The following CNTN1 variants were observed in gnomAD, a reference collection of about 807,000 sequenced individuals.
The protein encoded by CNTN1 is contactin-1.
A neutral mutation model predicts 126.4 loss-of-function variants in CNTN1; 38 were observed. That is an observed-to-expected ratio of 0.30 (90% CI 0.23 to 0.39). The LOEUF is 0.39. Ranked by LOEUF, CNTN1 falls within the 10% of genes least tolerant of loss-of-function variation. The pLI is 1.00. For missense variants in CNTN1, 1,009 were observed against 1,248.4 expected (o/e 0.81, Z 2.89); for synonymous variants, 413 against 422.6 (o/e 0.98, Z 0.28).
Position 40,900,925 on chromosome 12 carries a change from C to T in CNTN1, c.-76-7432C>T, listed in dbSNP as rs183617512. On this transcript the variant is annotated intron_variant, in intron 1 of 23. Coordinates refer to ENST00000551295, the MANE Select transcript of CNTN1 (RefSeq NM_001843.4). ...AGGGGATGTGAAACTGACAACCGCTCTGTTGTCGATGATTTACATGAAGAA... is the reference window on the plus strand; with the variant it reads ...AGGGGATGTGAAACTGACAACCGCTTTGTTGTCGATGATTTACATGAAGAA... Among the ~76,000 whole-genome samples the T allele has an allele frequency of 4.2e-3, 640 of 152,288 alleles. 3 individuals carry two copies. The highest frequency in any genetic ancestry group is 0.014 in the African/African-American group (599 of 41,560).
chr12:40,974,792 A>G (rs796555684), intron 15 of CNTN1, among the ~76,000 whole-genome samples: 38 of 152,118 alleles, frequency 2.5e-4, no homozygotes, highest in African/African-American at 8.4e-4. Flanking sequence ...TCATAGGGTT[A>G]TTGGTAAGAA....
chr12:40,722,718 G>C (rs1942249330), intron 1 of CNTN1, among the ~76,000 whole-genome samples: 1 of 152,048 alleles, frequency 6.6e-6, no homozygotes, highest in Non-Finnish European at 1.5e-5. Flanking sequence ...AATAAGTCTA[G>C]TAATGTAAAA....
At chr12:41,027,056 C>G (rs532069909) in intron 21 of CNTN1, among the ~76,000 whole-genome samples, 1 of 151,854 alleles carries the variant, frequency 6.6e-6, no homozygotes, top group Non-Finnish European at 1.5e-5. Flanking sequence ...CATTTGCTGA[C>G]GATGGCAAAG....
At chr12:40,962,821 G>A (rs535197505) in intron 15 of CNTN1, among the ~76,000 whole-genome samples, 4 of 151,998 alleles carry the variant, frequency 2.6e-5, no homozygotes, top group Non-Finnish European at 5.9e-5. Flanking sequence ...AGATTGTATT[G>A]ACCATGTAAT....
intron 18 of CNTN1, among the ~76,000 whole-genome samples, chr12:41,015,167 C>A (rs1948750105): frequency 6.8e-6 from 1 of 146,580 alleles, no homozygotes; most frequent in South Asian, 2.2e-4. Context: ...CTATACTTAG[C>A]ATTTAAATCA....
intron 1 of CNTN1, among the ~76,000 whole-genome samples, chr12:40,868,885 G>C: frequency 6.6e-6 from 1 of 152,044 alleles, no homozygotes; most frequent in East Asian, 1.9e-4. Context: ...GCTTTAAAAA[G>C]AGTTGTCATA....
chr12:40,768,041 A>G (rs1939186477), intron 1 of CNTN1, among the ~76,000 whole-genome samples: 1 of 152,012 alleles, frequency 6.6e-6, no homozygotes, highest in African/African-American at 2.4e-5. Context: ...ATAGACTGAT[A>G]AAAATAATTT....
At chr12:40,990,023 GAA>G (rs1258881765) in intron 16 of CNTN1, among the ~76,000 whole-genome samples, 1 of 151,898 alleles carries the variant, frequency 6.6e-6, no homozygotes, top group African/African-American at 2.4e-5. Context: ...AGCTTAGAGA[GAA>G]GAGACACTTT....
intron 1 of CNTN1, among the ~76,000 whole-genome samples, chr12:40,887,970 C>T (rs1240297762): frequency 7.5e-6 from 1 of 133,878 alleles, no homozygotes; most frequent in Admixed American, 9.2e-5. Flanking sequence ...ACAATGAGAA[C>T]ACGTGGACAC....
chr12:40,711,945 C>T (rs1941924723), intron 1 of CNTN1, among the ~76,000 whole-genome samples: 1 of 152,198 alleles, frequency 6.6e-6, no homozygotes, highest in Non-Finnish European at 1.5e-5. Flanking sequence ...TTCTCTAACT[C>T]CTGGCCTGAA....
intron 1 of CNTN1, among the ~76,000 whole-genome samples, chr12:40,742,747 C>T (rs1937999786): frequency 6.6e-6 from 1 of 152,018 alleles, no homozygotes; most frequent in African/African-American, 2.4e-5. Context: ...GCCTTATAAG[C>T]AATCAGTTTT....
intron 1 of CNTN1, among the ~76,000 whole-genome samples, chr12:40,701,644 T>C (rs1433042433): frequency 6.6e-6 from 1 of 152,204 alleles, no homozygotes; most frequent in Non-Finnish European, 1.5e-5. Flanking sequence ...AAATGCCTAA[T>C]GGATTGACTT....
At chr12:41,033,784 A>G (rs1179697614) in intron 23 of CNTN1, among the ~76,000 whole-genome samples, 4 of 151,968 alleles carry the variant, frequency 2.6e-5, no homozygotes, top group Non-Finnish European at 5.9e-5. Flanking sequence ...CACGCCTGTA[A>G]TCCCAGCACT....
At chr12:40,904,240 A>C (rs201396972) in intron 1 of CNTN1, among the ~76,000 whole-genome samples, 1 of 151,712 alleles carries the variant, frequency 6.6e-6, no homozygotes, top group African/African-American at 2.4e-5. Context: ...GGATGGTCTC[A>C]ATCTCCTGAC....
intron 23 of CNTN1, among the ~76,000 whole-genome samples, chr12:41,064,431 A>G (rs1405744052): frequency 2.0e-5 from 3 of 152,212 alleles, no homozygotes; most frequent in Non-Finnish European, 4.4e-5. Flanking sequence ...TTATCCAACT[A>G]CTTTTCCAGA....
intron 1 of CNTN1, among the ~76,000 whole-genome samples, chr12:40,710,613 ATAGCTGTACTGATAAAT>A (rs1941888365): frequency 6.6e-6 from 1 of 152,164 alleles, no homozygotes; most frequent in Non-Finnish European, 1.5e-5. Context: ...AAAATGAGGT[ATAGCTGTACTGATAAAT>A]TTCCACTGAA....
At chr12:40,701,360 T>C (rs1941590678) in intron 1 of CNTN1, among the ~76,000 whole-genome samples, 2 of 152,214 alleles carry the variant, frequency 1.3e-5, no homozygotes, top group African/African-American at 4.8e-5. Flanking sequence ...CAGAAGTTTT[T>C]ATGCATTTCT....
intron 1 of CNTN1, among the ~76,000 whole-genome samples, chr12:40,716,323 T>G (rs774860298): frequency 1.8e-4 from 27 of 149,410 alleles, no homozygotes; most frequent in Non-Finnish European, 1.6e-4. Context: ...CTCCTTTCCC[T>G]CCCTTCCTTT....
intron 4 of CNTN1, among the ~76,000 whole-genome samples, chr12:40,919,172 T>G (rs1379209688): frequency 6.6e-6 from 1 of 152,178 alleles, no homozygotes; most frequent in Non-Finnish European, 1.5e-5. Context: ...ATTTTTATAT[T>G]AAGTACATTT....
Sources: allele counts gnomAD v4.1 joint callset (sites outside exome capture counted in the v4.1 genomes callset), GRCh38; gene constraint gnomAD v4.1.1; transcripts MANE v1.5; gene names NCBI Gene and HGNC (gene_info 2026-07-23, HGNC 2026-07-21).